GLI2: variants seen among roughly 807,000 people sequenced by gnomAD.
GLI2 encodes transcription activator GLI2.
Under a neutral mutation model 78.9 loss-of-function variants are expected in GLI2, and 22 were observed. The ratio of observed to expected loss-of-function variants is 0.28; its 90% CI spans 0.20 to 0.40. The LOEUF is 0.40. GLI2 is among the 10% of genes least tolerant of loss of function. GLI2 has a pLI of 1.00. For missense variants in GLI2, 2,097 were observed against 2,213.2 expected (o/e 0.95, Z 1.05); for synonymous variants, 974 against 963.7 (o/e 1.01, Z -0.20).
intron 1 of GLI2, among the ~76,000 whole-genome samples, chr2:120,773,132 G>A (rs916034091): frequency 2.0e-5 from 3 of 152,162 alleles, no homozygotes; most frequent in Non-Finnish European, 4.4e-5. Context: ...ACAACTTTGT[G>A]GTGACAGCTC....
chr2:120,823,974 T>C (rs1373838262), intron 2 of GLI2, among the ~76,000 whole-genome samples: 1 of 152,232 alleles, frequency 6.6e-6, no homozygotes, highest in African/African-American at 2.4e-5. Context: ...TCATATTTTA[T>C]GGGCATAAAG....
chr2:120,778,665 G>A (rs1683753336), intron 1 of GLI2, among the ~76,000 whole-genome samples: 1 of 152,208 alleles, frequency 6.6e-6, no homozygotes, highest in South Asian at 2.1e-4. Context: ...TATACAGCAG[G>A]CTGGGGGCCA....
At chr2:120,947,357 T>C (rs1680759683) in intron 3 of GLI2, among the ~76,000 whole-genome samples, 1 of 152,218 alleles carries the variant, frequency 6.6e-6, no homozygotes, top group African/African-American at 2.4e-5. Flanking sequence ...GCCTGTGTTG[T>C]GAATGTTTTA....
chr2:120,821,413 G>C (rs1342164769), intron 2 of GLI2, among the ~76,000 whole-genome samples: 1 of 152,206 alleles, frequency 6.6e-6, no homozygotes, highest in African/African-American at 2.4e-5. Flanking sequence ...CAGATCCGGC[G>C]GACATTTATG....
intron 2 of GLI2, among the ~76,000 whole-genome samples, chr2:120,820,860 TG>T (rs1231920500): frequency 6.6e-6 from 1 of 152,138 alleles, no homozygotes; most frequent in East Asian, 1.9e-4. Context: ...CTATGCCACT[TG>T]GGGTGCAGTC....
At chr2:120,904,005 A>C (rs1351026375) in intron 2 of GLI2, among the ~76,000 whole-genome samples, 5 of 152,062 alleles carry the variant, frequency 3.3e-5, no homozygotes, top group Non-Finnish European at 4.4e-5. Context: ...TTTTGGGGGA[A>C]TATAACAAGC....
intron 5 of GLI2, among the ~76,000 whole-genome samples, chr2:120,960,123 C>T (rs765334254): frequency 6.6e-6 from 1 of 152,182 alleles, no homozygotes; most frequent in Non-Finnish European, 1.5e-5. Flanking sequence ...AGGCTCGGTT[C>T]TAGGTCTAGG....
chr2:120,776,312 C>G (rs1425028460), intron 1 of GLI2, among the ~76,000 whole-genome samples: 8 of 152,214 alleles, frequency 5.3e-5, no homozygotes, highest in Admixed American at 5.2e-4. Context: ...GCTTTGGAAC[C>G]CAGCTCCTGA....
intron 3 of GLI2, among the ~76,000 whole-genome samples, chr2:120,941,093 T>C (rs1680427921): frequency 6.6e-6 from 1 of 152,200 alleles, no homozygotes; most frequent in Non-Finnish European, 1.5e-5. Context: ...GCAATGAATG[T>C]CTGCAAACTG....
intron 2 of GLI2, among the ~76,000 whole-genome samples, chr2:120,805,716 G>T (rs1157657050): frequency 6.6e-6 from 1 of 152,122 alleles, no homozygotes; most frequent in African/African-American, 2.4e-5. Context: ...CCTCCTCCTG[G>T]CCCAAACCCC....
At chr2:120,858,102 C>T (rs1558837784) in intron 2 of GLI2, among the ~76,000 whole-genome samples, 1 of 152,118 alleles carries the variant, frequency 6.6e-6, no homozygotes, top group Non-Finnish European at 1.5e-5. Flanking sequence ...AGGTGAACAC[C>T]TGCTGAGTGC....
chr2:120,772,776 G>A (rs762096879), intron 1 of GLI2, among the ~76,000 whole-genome samples: 10 of 152,252 alleles, frequency 6.6e-5, no homozygotes, highest in Non-Finnish European at 7.3e-5. Context: ...GCCATTGACC[G>A]TGGCATTCTT....
chr2:120,896,665 ACCCACCCCCC>A (rs1558865595), intron 2 of GLI2, among the ~76,000 whole-genome samples: 14 of 17,558 alleles, frequency 8.0e-4, no homozygotes, highest in African/African-American at 2.2e-3. Flanking sequence ...ACACACATAC[ACCCACCCCCC>A]CACACACTCA....
At position 120,800,917 on chromosome 2, in the gene GLI2, A is replaced by G. The variant is rs1684679516; in HGVS notation, c.148+3449A>G. Among the ~76,000 whole-genome samples the G allele has an allele frequency of 1.3e-5, 2 of 152,308 alleles. No individual in the cohort carries two copies. Among genetic ancestry groups the G allele is most frequent in the South Asian group, 4.1e-4 (2 of 4,828 alleles). ...GTCAGGGGCGCAGTGGTGAGGAAAC[A>G]GCCAAATCCTGCAAGCTGTCAGGGG... is the stretch of plus-strand genomic sequence containing the variant. On this transcript the variant is annotated intron_variant, in intron 2 of 13. Transcript: ENST00000361492. The surrounding 1 kb of genome is among the most constrained non-coding windows in gnomAD (Gnocchi z 4.1).
intron 2 of GLI2, among the ~76,000 whole-genome samples, chr2:120,911,637 A>G (rs1558876230): frequency 6.6e-6 from 1 of 152,124 alleles, no homozygotes; most frequent in Non-Finnish European, 1.5e-5. Context: ...CACTGGGCAC[A>G]TACTCCTCAC....
intron 3 of GLI2, among the ~76,000 whole-genome samples, chr2:120,943,663 T>G (rs368826124): frequency 1.4e-4 from 22 of 152,300 alleles, no homozygotes; most frequent in African/African-American, 4.3e-4. Flanking sequence ...AAATGGGACA[T>G]GAAGGAGCTG....
rs182944952 is a variant in GLI2 at position 120,865,980 on chromosome 2, G to C, written c.149-61381G>C. ...GGCCAGCACTGCCCAGACTCAGAGT[G>C]GGGATGCAGTTGGTGTTTATGGGAC... On this transcript the variant is annotated intron_variant, in intron 2 of 13. Transcript: ENST00000361492. Among the ~76,000 whole-genome samples the C allele has an allele frequency of 9.8e-4, 149 of 152,318 alleles. 1 individual carries two copies. The highest frequency in any genetic ancestry group is 2.8e-3 in the African/African-American group (115 of 41,574).
chr2:120,745,664 T>C (rs1682673137), intron 1 of GLI2, among the ~76,000 whole-genome samples: 1 of 152,198 alleles, frequency 6.6e-6, no homozygotes, highest in Non-Finnish European at 1.5e-5. Flanking sequence ...AGTTTTGCAC[T>C]GCAGACTTCA....
chr2:120,968,769 G>C lies in GLI2; in HGVS notation c.699G>C (p.Leu233=). 1.9e-6 allele frequency: 3 copies of C among 1,613,702 alleles called. No homozygotes were observed. The highest frequency in any genetic ancestry group is 2.5e-6 in the Non-Finnish European group (3 of 1,179,980). Residue 233 remains leucine, a synonymous_variant, in exon 6 of 14, where the codon CTG becomes CTC. Transcript: ENST00000361492. ...VTPRLSRKRA[L]SISPLSDASL... is the part of the protein sequence containing the mutation. Reference sequence around the variant, plus strand: ...CCCGCCTGAGCCGCAAGCGGGCGCTGTCCATCTCCCCACTCTCAGACGCCA... The same window carrying C: ...CCCGCCTGAGCCGCAAGCGGGCGCTCTCCATCTCCCCACTCTCAGACGCCA...
Sources: allele counts gnomAD v4.1 joint callset (sites outside exome capture counted in the v4.1 genomes callset), GRCh38; gene constraint gnomAD v4.1.1; non-coding constraint Gnocchi (gnomAD v3.1); transcripts MANE v1.5; gene names NCBI Gene and HGNC (gene_info 2026-07-23, HGNC 2026-07-21).